ANO4: variants seen among roughly 807,000 people sequenced by gnomAD.
ANO4 encodes the protein anoctamin-4.
In ANO4, 69 loss-of-function variants were observed where a neutral mutation model predicts 141.9. The observed-to-expected ratio is 0.49, with a 90% confidence interval of 0.40 to 0.59. The LOEUF (loss-of-function observed/expected upper bound fraction) is 0.59. Ranked by LOEUF, ANO4 falls within the 20% of genes least tolerant of loss-of-function variation. The probability of loss-of-function intolerance (pLI) is 0.00; values close to 1 mark genes in which losing one functional copy is unlikely to be tolerated. For missense variants in ANO4, 894 were observed against 1,162.2 expected (o/e 0.77, Z 3.36); for synonymous variants, 350 against 394.3 (o/e 0.89, Z 1.33).
intron 14 of ANO4, among the ~76,000 whole-genome samples, chr12:101,061,907 C>T (rs932124604): frequency 6.6e-6 from 1 of 152,052 alleles, no homozygotes; most frequent in African/African-American, 2.4e-5. Context: ...ATTCTCCATC[C>T]AGTTTTGTTC....
intron 1 of ANO4, among the ~76,000 whole-genome samples, chr12:100,833,940 A>T (rs1210178634): frequency 1.3e-5 from 2 of 152,086 alleles, no homozygotes; most frequent in Non-Finnish European, 2.9e-5. Context: ...ATGTTGTATC[A>T]TTGGAGTTTT....
At chr12:101,080,900 T>TATATATATATATATATAC (rs1194122665) in intron 15 of ANO4, among the ~76,000 whole-genome samples, 194 of 130,946 alleles carry the variant, frequency 1.5e-3, no homozygotes, top group South Asian at 6.0e-3. Flanking sequence ...TATATATATA[T>TATATATATATATATATAC]ACATACACAT....
intron 1 of ANO4, among the ~76,000 whole-genome samples, chr12:100,830,706 T>A (rs1358123413): frequency 1.3e-5 from 2 of 152,094 alleles, no homozygotes; most frequent in Non-Finnish European, 2.9e-5. Context: ...TCATACCAGA[T>A]ACTTCTCCTG....
rs543472409 is a variant in ANO4 at position 101,128,451 on chromosome 12, G to C, written c.*595G>C. ...TACATATGTATAGTCATGTATTCCT[G>C]CATATGTACATACAAATACAGAGAT... On this transcript the variant is annotated 3_prime_UTR_variant, in exon 28 of 28. Transcript: ENST00000392977. 2.7e-4 allele frequency: 41 copies of C among 152,516 alleles called. No homozygotes were observed. Among genetic ancestry groups the C allele is most frequent in the African/African-American group, 9.4e-4 (39 of 41,468 alleles). The allele number at this position is 152,516 out of a possible 1,614,324, so 9.4% of individuals were successfully genotyped here. A position where few individuals can be genotyped will look rare whatever the true frequency, so the allele number is the denominator to read the frequency against.
intron 26 of ANO4, among the ~76,000 whole-genome samples, chr12:101,126,053 T>C (rs2051301051): frequency 6.6e-6 from 1 of 152,228 alleles, no homozygotes; most frequent in African/African-American, 2.4e-5. Flanking sequence ...GCTTTTCAAA[T>C]AGAATTTTCC....
chr12:100,849,040 C>T (rs915069001), intron 1 of ANO4, among the ~76,000 whole-genome samples: 1 of 152,156 alleles, frequency 6.6e-6, no homozygotes. Flanking sequence ...TTGTAGGCCT[C>T]GTGCACGTGT....
chr12:100,968,496 C>G (rs149316794), intron 5 of ANO4, among the ~76,000 whole-genome samples: 1 of 151,648 alleles, frequency 6.6e-6, no homozygotes, highest in Non-Finnish European at 1.5e-5. Flanking sequence ...TCGGTGTTGC[C>G]CAATTTTACT....
chr12:100,916,256 AT>A lies in ANO4; in HGVS notation c.56-5968del, dbSNP rs1239494118. 5.9e-5 allele frequency among the ~76,000 whole-genome samples: 9 copies of A among 152,308 alleles called. No individual in the cohort carries two copies. In the East Asian group the frequency reaches 1.3e-3, roughly 23 times the overall value. ...CCTTTGGTACTTTGATATTTTGTTT[AT>A]TATTTGATAAAATTTAACAAGATTT... is the stretch of plus-strand genomic sequence containing the variant. On this transcript the variant is annotated intron_variant, in intron 2 of 27. Coordinates refer to ENST00000392977, the MANE Select transcript of ANO4 (RefSeq NM_001286615.2).
intron 14 of ANO4, among the ~76,000 whole-genome samples, chr12:101,054,840 C>T (rs902304420): frequency 1.3e-5 from 2 of 150,076 alleles, no homozygotes; most frequent in African/African-American, 5.1e-5. Flanking sequence ...GCAGTCAGTC[C>T]CTTGGCAACC....
intron 1 of ANO4, chr12:100,859,078 T>A (rs2038335550): frequency 6.6e-6 from 1 of 152,166 alleles, no homozygotes; most frequent in Admixed American, 6.5e-5. Flanking sequence ...TTCTGTTACA[T>A]TTTGTGGTAG....
chr12:100,846,952 C>A (rs1565931287), intron 1 of ANO4, among the ~76,000 whole-genome samples: 1 of 152,106 alleles, frequency 6.6e-6, no homozygotes, highest in Non-Finnish European at 1.5e-5. Flanking sequence ...CACACCCCCC[C>A]CCAACTTCTA....
intron 1 of ANO4, among the ~76,000 whole-genome samples, chr12:100,718,504 A>G (rs746010144): frequency 7.9e-5 from 12 of 152,184 alleles, no homozygotes; most frequent in Non-Finnish European, 1.8e-4. Context: ...TGGGACGGAA[A>G]TTACTATTCT....
chr12:100,896,745 A>G (rs927729970), intron 1 of ANO4, among the ~76,000 whole-genome samples: 14 of 152,244 alleles, frequency 9.2e-5, no homozygotes, highest in African/African-American at 3.1e-4. Flanking sequence ...AGCCAAAGCA[A>G]GAGTTTAAAA....
At chr12:100,908,208 A>G (rs1254880751) in intron 2 of ANO4, among the ~76,000 whole-genome samples, 4 of 151,988 alleles carry the variant, frequency 2.6e-5, no homozygotes, top group African/African-American at 9.7e-5. Flanking sequence ...AATTAGCCGG[A>G]CGTGGTGGTG....
chr12:100,968,543 T>A (rs1211274614), intron 5 of ANO4, among the ~76,000 whole-genome samples: 1 of 152,166 alleles, frequency 6.6e-6, no homozygotes, highest in Non-Finnish European at 1.5e-5. Flanking sequence ...TATAGAACCT[T>A]ATAGGAAAGC....
At chr12:100,793,330 A>G (rs902740443), upstream of ANO4, among the ~76,000 whole-genome samples, 1 of 152,172 alleles carries the variant, frequency 6.6e-6, no homozygotes, top group African/African-American at 2.4e-5. Context: ...AAAAAATTTC[A>G]CTTTATTATG....
intron 1 of ANO4, among the ~76,000 whole-genome samples, chr12:100,849,876 C>T (rs547844255): frequency 7.9e-5 from 12 of 152,006 alleles, no homozygotes; most frequent in African/African-American, 2.2e-4. Context: ...TTGTGGGCTC[C>T]GGATCAATTG....
upstream of ANO4, among the ~76,000 whole-genome samples, chr12:100,794,356 G>A (rs1190453392): frequency 1.3e-5 from 2 of 152,186 alleles, no homozygotes; most frequent in Non-Finnish European, 2.9e-5. Flanking sequence ...GATGCTGTGG[G>A]ATGCCTCAAA....
At chr12:100,893,970 A>G (rs2040221608) in intron 1 of ANO4, among the ~76,000 whole-genome samples, 1 of 152,164 alleles carries the variant, frequency 6.6e-6, no homozygotes. Flanking sequence ...CTGGTCAAAC[A>G]TTCTTACAGG....
Sources: gnomAD v4.1 joint callset for allele counts (sites outside exome capture counted in the v4.1 genomes callset) on GRCh38, gnomAD v4.1.1 for gene constraint, MANE v1.5 for transcripts, NCBI Gene and HGNC (gene_info 2026-07-23, HGNC 2026-07-21) for gene names.